The following DAAM2 variants were observed in gnomAD, a reference collection of about 807,000 sequenced individuals.
The protein encoded by DAAM2 is disheveled-associated activator of morphogenesis 2.
In DAAM2, 39 loss-of-function variants were observed where a neutral mutation model predicts 120.7. That is an observed-to-expected ratio of 0.32 (90% CI 0.25 to 0.42). DAAM2 has a LOEUF of 0.42. Ranked by LOEUF, DAAM2 falls within the 10% of genes least tolerant of loss-of-function variation. DAAM2 has a pLI of 1.00. For missense variants in DAAM2, 1,283 were observed against 1,401.7 expected (o/e 0.92, Z 1.35); for synonymous variants, 488 against 524.9 (o/e 0.93, Z 0.96).
intron 5 of DAAM2, among the ~76,000 whole-genome samples, chr6:39,866,393 G>C (rs28385603): frequency 0.2 from 30,992 of 152,172 alleles, 4,015 homozygotes; most frequent in Non-Finnish European, 0.29. Flanking sequence ...TAACAACTTA[G>C]TTTGAGAGCA....
chr6:39,813,558 CT>C (rs891474070), intron 1 of DAAM2, among the ~76,000 whole-genome samples: 5 of 151,742 alleles, frequency 3.3e-5, no homozygotes, highest in South Asian at 2.1e-4. Context: ...TATGAAGTTG[CT>C]TTTTTTAAAA....
At chr6:39,848,079 G>A (rs185611642) in intron 1 of DAAM2, among the ~76,000 whole-genome samples, 64 of 152,256 alleles carry the variant, frequency 4.2e-4, no homozygotes, top group African/African-American at 1.5e-3. Flanking sequence ...TGTTGAGAAT[G>A]CTTTCCTGGA....
At chr6:39,839,090 G>GT (rs555413456) in intron 1 of DAAM2, among the ~76,000 whole-genome samples, 146 of 148,830 alleles carry the variant, frequency 9.8e-4, no homozygotes, top group African/African-American at 2.6e-3. Context: ...GCTAGGCATT[G>GT]TTTTTTTTTT....
chr6:39,840,545 C>G lies in DAAM2; in HGVS notation c.-56-15702C>G, dbSNP rs185210776. On this transcript the variant is annotated intron_variant, in intron 1 of 24. Transcript: ENST00000274867. The stretch of plus-strand genomic sequence containing the variant: ...TTAGTTGTAGGGGAAGTTGGTGGCA[C>G]CAGCATTGGCACATCTGAATAGAAA... Among the ~76,000 whole-genome samples the G allele has an allele frequency of 7.9e-5, 12 of 152,098 alleles. No individual in the cohort carries two copies. The East Asian group carries it at 2.1e-3, about 27-fold the overall frequency.
At chr6:39,868,460 C>T (rs752378706) in intron 6 of DAAM2, 43 of 245,062 alleles carry the variant, frequency 1.8e-4, no homozygotes, top group African/African-American at 3.3e-4. Flanking sequence ...CTGCAGAAGA[C>T]GGAAAAGGGA....
At chr6:39,835,994 G>T (rs1763087274) in intron 1 of DAAM2, among the ~76,000 whole-genome samples, 2 of 152,106 alleles carry the variant, frequency 1.3e-5, no homozygotes, top group Admixed American at 1.3e-4. Context: ...GTGGTAGTGG[G>T]GGCAGTTCTA....
chr6:39,847,202 G>A (rs1315400546), intron 1 of DAAM2, among the ~76,000 whole-genome samples: 1 of 152,234 alleles, frequency 6.6e-6, no homozygotes, highest in African/African-American at 2.4e-5. Flanking sequence ...CCTCAAGAGT[G>A]ACAGAATGCT....
At chr6:39,811,526 C>A (rs1211800317) in intron 1 of DAAM2, among the ~76,000 whole-genome samples, 1 of 152,138 alleles carries the variant, frequency 6.6e-6, no homozygotes, top group Non-Finnish European at 1.5e-5. Flanking sequence ...GGCAACCCCA[C>A]CCGGCACCCT....
At chr6:39,887,863 C>T (rs1582743226) in intron 16 of DAAM2, 1 of 423,856 alleles carries the variant, frequency 2.4e-6, no homozygotes, top group East Asian at 4.9e-5. Context: ...TGGCTCAGGC[C>T]ATGGAGCAGC....
rs567337072 is a variant in DAAM2 at position 39,814,083 on chromosome 6, C to G, written c.-57+21618C>G. ...CGTGGCCCATGGGCTGCATGCGGCC[C>G]AGGATGGCTTTGAATGAGGGCCAAC... is the stretch of plus-strand genomic sequence containing the variant. On this transcript the variant is annotated intron_variant, in intron 1 of 24. Transcript: ENST00000274867. Among the ~76,000 whole-genome samples, 203 of 152,266 alleles carry G rather than the reference C, an allele frequency of 1.3e-3. 1 individual carries two copies. The highest frequency in any genetic ancestry group is 3.4e-3 in the Middle Eastern group (1 of 294).
At chr6:39,881,642 G>T (rs1765124197) in intron 14 of DAAM2, among the ~76,000 whole-genome samples, 1 of 152,112 alleles carries the variant, frequency 6.6e-6, no homozygotes, top group Non-Finnish European at 1.5e-5. Context: ...AAACCTGGGG[G>T]GCGGAGGTTG....
In DAAM2 at chr6:39,901,730, G is replaced by T; in HGVS notation, c.2983-83G>T. 7.7e-7 allele frequency: 1 copy of T among 1,291,846 alleles called. No individual in the cohort carries two copies. Among genetic ancestry groups the T allele is most frequent in the South Asian group, 1.5e-5 (1 of 65,798 alleles). The allele number at this position is 1,291,846 out of a possible 1,614,324, so 80.0% of individuals were successfully genotyped here. Reference sequence around the variant, plus strand: ...AGGCAGGCAGCATGACCATGGCCTAGGAGTTAGCCCAGGGTTGGGGGGCTG... The same window carrying T: ...AGGCAGGCAGCATGACCATGGCCTATGAGTTAGCCCAGGGTTGGGGGGCTG... On this transcript the variant is annotated intron_variant, in intron 24 of 24. Transcript: ENST00000274867. This position sits in a 1 kb window ranked among gnomAD's most constrained non-coding sequence, Gnocchi z 4.5.
chr6:39,895,874 TG>T lies in DAAM2; in HGVS notation c.2342-936del, dbSNP rs1431647497. Among the ~76,000 whole-genome samples, 35 of 152,332 alleles carry T rather than the reference TG, an allele frequency of 2.3e-4. No homozygotes were observed. The East Asian group carries it at 5.6e-3, about 24-fold the overall frequency. On this transcript the variant is annotated intron_variant, in intron 19 of 24. Transcript: ENST00000274867. ...TAACATTTAGAGCATTGGGGGAAAA[TG>T]GTTAAGATGCCCAAAGGTTGGAAAA...
At chr6:39,876,042 A>G (rs1764855527) in intron 11 of DAAM2, among the ~76,000 whole-genome samples, 1 of 152,238 alleles carries the variant, frequency 6.6e-6, no homozygotes, top group South Asian at 2.1e-4. Flanking sequence ...GGCCCTTTAT[A>G]GAAAGTTTGC....
At chr6:39,846,504 T>C (rs9471189) in intron 1 of DAAM2, among the ~76,000 whole-genome samples, 74,829 of 151,920 alleles carry the variant, frequency 0.49, 18,731 homozygotes, top group African/African-American at 0.58. Flanking sequence ...AATAACCCTA[T>C]GTTGGACTTC....
rs747674471 is a variant in DAAM2, at chr6:39,891,374, G to C, written c.2179G>C (p.Asp727His). 6.2e-7 allele frequency: 1 copy of C among 1,610,796 alleles called. No homozygotes were observed. ...LKFIPEKSDI[D>H]LLEEHKHEIE... Reference sequence around the variant, plus strand: ...GTTCATCCCAGAGAAGAGTGACATTGACCTCCTGGAGGAGCACAAGCATGA... The same window carrying C: ...GTTCATCCCAGAGAAGAGTGACATTCACCTCCTGGAGGAGCACAAGCATGA... Residue 727 changes from aspartate (D) to histidine (H), a missense_variant, in exon 18 of 25, where the codon GAC (aspartate) becomes CAC (histidine). Physicochemically the swap from Asp to His is moderately conservative, Grantham distance 81. Transcript: ENST00000274867.
intron 1 of DAAM2, among the ~76,000 whole-genome samples, chr6:39,812,600 G>C (rs1322160086): frequency 7.0e-6 from 1 of 142,318 alleles, no homozygotes; most frequent in Middle Eastern, 3.2e-3. Flanking sequence ...TCCCCACCCT[G>C]CCCCTGTCAG....
intron 9 of DAAM2, 122 bp from the exon 10 acceptor site, chr6:39,873,116 G>T: frequency 3.0e-6 from 2 of 666,506 alleles, no homozygotes; most frequent in Admixed American, 4.6e-5. Context: ...GCCTGGGCCA[G>T]AGGCAGGGGA....
chr6:39,866,839 T>C (rs1352109894), intron 5 of DAAM2, among the ~76,000 whole-genome samples: 6 of 152,224 alleles, frequency 3.9e-5, no homozygotes, highest in African/African-American at 1.4e-4. Context: ...AGTCACAGAT[T>C]ATGCTAATAC....
Sources: gnomAD v4.1 joint callset for allele counts (sites outside exome capture counted in the v4.1 genomes callset) on GRCh38, gnomAD v4.1.1 for gene constraint, Gnocchi (gnomAD v3.1) non-coding constraint, MANE v1.5 for transcripts, NCBI Gene and HGNC (gene_info 2026-07-23, HGNC 2026-07-21) for gene names.